Variants in FRMD4A observed in about 807,000 individuals in gnomAD.
The protein encoded by FRMD4A is FERM domain containing 4A, also known as FERM domain-containing protein 4A.
In FRMD4A, 29 loss-of-function variants were observed where a neutral mutation model predicts 129.1. The observed-to-expected ratio is 0.22, with a 90% CI of 0.17 to 0.31. FRMD4A has a LOEUF of 0.31. Ranked by LOEUF, FRMD4A falls within the 10% of genes least tolerant of loss-of-function variation. The pLI is 1.00. For synonymous variants in FRMD4A, 634 were observed against 571.6 expected (o/e 1.11, Z -1.56); for missense variants, 1,272 against 1,375.8 (o/e 0.92, Z 1.19).
intron 12 of FRMD4A, among the ~76,000 whole-genome samples, chr10:13,727,367 G>A (rs910584973): frequency 7.2e-5 from 11 of 152,146 alleles, no homozygotes; most frequent in Non-Finnish European, 1.0e-4. Context: ...CAGCTACAGA[G>A]AACCACCTTG....
At chr10:13,662,635 G>T (rs190091943) in intron 19 of FRMD4A, among the ~76,000 whole-genome samples, 1 of 152,226 alleles carries the variant, frequency 6.6e-6, no homozygotes, top group Non-Finnish European at 1.5e-5. Context: ...AATTTCCCAA[G>T]AAAATATCCT....
At chr10:13,718,206 C>T (rs1033825938) in intron 12 of FRMD4A, among the ~76,000 whole-genome samples, 5 of 152,236 alleles carry the variant, frequency 3.3e-5, no homozygotes, top group Admixed American at 6.5e-5. Context: ...GCGTGAGCTC[C>T]AGGCTCCCCT....
intron 5 of FRMD4A, among the ~76,000 whole-genome samples, chr10:13,791,971 C>T (rs990284088): frequency 6.6e-6 from 1 of 152,192 alleles, no homozygotes; most frequent in Non-Finnish European, 1.5e-5. Flanking sequence ...GTGAGACCAA[C>T]AGCAGATGTC....
intron 2 of FRMD4A, among the ~76,000 whole-genome samples, chr10:13,945,073 C>T (rs1288372657): frequency 2.0e-5 from 3 of 152,150 alleles, no homozygotes; most frequent in East Asian, 1.9e-4. Context: ...ATGGGAGTAA[C>T]AGAGAAATAG....
At chr10:14,055,547 T>C (rs180906268) in intron 2 of FRMD4A, among the ~76,000 whole-genome samples, 2 of 152,056 alleles carry the variant, frequency 1.3e-5, no homozygotes, top group East Asian at 3.9e-4. Flanking sequence ...ATACGATCAC[T>C]AGATTTATTT....
rs537082526 is a variant in FRMD4A, at chr10:13,707,273, T to C, written c.760-160A>G. On this transcript the variant is annotated intron_variant, in intron 12 of 24. Transcript: ENST00000357447. ...CTCTTGCTTGACACACACACACACA[T>C]ACACACACACACGCAGCTCTCCAGT... 250 of 737,358 alleles carry C rather than the reference T, an allele frequency of 3.4e-4. 1 individual carries two copies. The South Asian group carries it at 3.7e-3, about 11-fold the overall frequency. 45.7% of individuals were successfully genotyped at this position (737,358 alleles called of 1,614,324 possible).
At chr10:14,138,454 G>A (rs1589056607) in intron 2 of FRMD4A, among the ~76,000 whole-genome samples, 1 of 152,162 alleles carries the variant, frequency 6.6e-6, no homozygotes, top group South Asian at 2.1e-4. Context: ...TGGGATAATA[G>A]ACCAGTAGAA....
At chr10:13,743,904 A>G (rs75629598) in intron 9 of FRMD4A, among the ~76,000 whole-genome samples, 7,283 of 152,166 alleles carry the variant, frequency 0.048, 255 homozygotes, top group Non-Finnish European at 0.076. Context: ...CATACCCTAG[A>G]TTTGTAGCAG....
chr10:14,089,704 C>T (rs1483988735), intron 2 of FRMD4A, among the ~76,000 whole-genome samples: 2 of 150,850 alleles, frequency 1.3e-5, no homozygotes, highest in Non-Finnish European at 2.9e-5. Flanking sequence ...GGAAAATTTT[C>T]GCTTGTGGGA....
intron 2 of FRMD4A, among the ~76,000 whole-genome samples, chr10:14,154,892 T>C (rs1426398725): frequency 1.3e-5 from 2 of 152,230 alleles, no homozygotes; most frequent in African/African-American, 4.8e-5. Flanking sequence ...AGTCTTTCTT[T>C]GTTGGTCTGA....
chr10:14,314,918 C>T lies in FRMD4A; in HGVS notation c.45+15140G>A, dbSNP rs78681135. 3.2e-3 allele frequency among the ~76,000 whole-genome samples: 487 copies of T among 151,466 alleles called. 4 individuals are homozygous for T. Among genetic ancestry groups the T allele is most frequent in the African/African-American group, 0.011 (455 of 41,356 alleles). On this transcript the variant is annotated intron_variant, in intron 2 of 24. Coordinates refer to ENST00000357447, the MANE Select transcript of FRMD4A (RefSeq NM_018027.5). ...AAGAAGCATCTCACTATAAAGTCAC[C>T]ATGCCATGTGATTGGCGAATCTTAT... is the stretch of plus-strand genomic sequence containing the variant.
intron 2 of FRMD4A, among the ~76,000 whole-genome samples, chr10:14,156,106 T>C (rs1436521928): frequency 3.3e-5 from 5 of 152,142 alleles, no homozygotes; most frequent in Non-Finnish European, 7.4e-5. Flanking sequence ...GTATTGTTTG[T>C]AATGGTTAAA....
At chr10:14,113,886 C>A (rs190969752) in intron 2 of FRMD4A, among the ~76,000 whole-genome samples, 172 of 152,196 alleles carry the variant, frequency 1.1e-3, no homozygotes, top group African/African-American at 3.9e-3. Flanking sequence ...TTATCTGTAC[C>A]TGAATAATCT....
chr10:14,125,190 T>C (rs1249265247), intron 2 of FRMD4A, among the ~76,000 whole-genome samples: 1 of 152,164 alleles, frequency 6.6e-6, no homozygotes, highest in Non-Finnish European at 1.5e-5. Flanking sequence ...ATGACTATGC[T>C]CTTCTCTGAT....
chr10:13,759,817 T>C (rs1468382760), intron 8 of FRMD4A, among the ~76,000 whole-genome samples: 2 of 152,144 alleles, frequency 1.3e-5, no homozygotes, highest in African/African-American at 2.4e-5. Context: ...CATTATCTAT[T>C]TAAAAATTTG....
chr10:14,071,910 G>A (rs1041689246), intron 2 of FRMD4A, among the ~76,000 whole-genome samples: 4 of 152,160 alleles, frequency 2.6e-5, no homozygotes, highest in African/African-American at 9.7e-5. Context: ...GAGGTGGTAG[G>A]AAGGGTTTCC....
At chr10:13,658,663 C>T (rs950263268) in intron 21 of FRMD4A, among the ~76,000 whole-genome samples, 3 of 152,092 alleles carry the variant, frequency 2.0e-5, no homozygotes, top group Non-Finnish European at 2.9e-5. Flanking sequence ...GGTGGATCAC[C>T]TGAGGTCAGG....
intron 2 of FRMD4A, among the ~76,000 whole-genome samples, chr10:14,322,159 G>A (rs1310508682): frequency 6.6e-6 from 1 of 152,082 alleles, no homozygotes; most frequent in Non-Finnish European, 1.5e-5. Context: ...ACTACACTAG[G>A]TATGAGAGAG....
At position 13,953,353 on chromosome 10, in the gene FRMD4A, C is replaced by T. The variant is rs147572413; in HGVS notation, c.46-94441G>A. 4.6e-5 allele frequency among the ~76,000 whole-genome samples: 7 copies of T among 152,270 alleles called. No homozygotes were observed. In the East Asian group the frequency reaches 1.4e-3, roughly 29 times the overall value. The stretch of plus-strand genomic sequence containing the variant: ...CCCCCAAGAAAGTGATAACTACATA[C>T]CATAGTCCCCCATTATCTAGAGTTT... On this transcript the variant is annotated intron_variant, in intron 2 of 24. Transcript: ENST00000357447.
Sources: gnomAD v4.1 joint callset for allele counts (sites outside exome capture counted in the v4.1 genomes callset) on GRCh38, gnomAD v4.1.1 for gene constraint, MANE v1.5 for transcripts, NCBI Gene and HGNC (gene_info 2026-07-23, HGNC 2026-07-21) for gene names.